Variants in TDRD9 observed in about 807,000 individuals in gnomAD.
TDRD9 encodes tudor domain containing 9, also known as ATP-dependent RNA helicase TDRD9.
A neutral mutation model predicts 172.6 loss-of-function variants in TDRD9; 124 were observed. The observed-to-expected ratio is 0.72, with a 90% confidence interval of 0.62 to 0.83. The LOEUF is 0.83. Among genes scored for constraint, TDRD9 ranks in the 40% least tolerant of loss-of-function variants. The probability of loss-of-function intolerance (pLI) is 0.00; values close to 1 mark genes in which losing one functional copy is unlikely to be tolerated. For synonymous variants in TDRD9, 619 were observed against 617.1 expected, an observed-to-expected ratio of 1.00 and a Z score of -0.05; for missense variants, 1,479 against 1,714.1, an observed-to-expected ratio of 0.86 and a Z score of 2.42.
In TDRD9 at chr14:104,017,196, C is replaced by T. The variant is rs554226986; in HGVS notation, c.2332-896C>T. On this transcript the variant is annotated intron_variant, in intron 22 of 35. Transcript: ENST00000409874. ...AGAGGAAGGGTTCTATAGGTCTCTT[C>T]CTCAGACGTCTAGTAGCTATGCCTG... 1.1e-3 allele frequency among the ~76,000 whole-genome samples: 167 copies of T among 152,134 alleles called. 2 individuals are homozygous for T. Among genetic ancestry groups the T allele is most frequent in the Middle Eastern group, 6.8e-3 (2 of 294 alleles).
chr14:104,005,467 C>A, intron 15 of TDRD9, 62 bp downstream of exon 15: 2 of 1,580,144 alleles, frequency 1.3e-6, no homozygotes, highest in Non-Finnish European at 1.7e-6. Context: ...CTGTGGCTCC[C>A]TCAGTCTGTG....
chr14:103,954,113 A>G (rs887980193), intron 1 of TDRD9, among the ~76,000 whole-genome samples: 9 of 152,240 alleles, frequency 5.9e-5, no homozygotes, highest in Admixed American at 2.6e-4. Flanking sequence ...AGTTGATAGC[A>G]TATAATACAT....
At chr14:104,012,833 A>C (rs1447891930) in intron 20 of TDRD9, among the ~76,000 whole-genome samples, 1 of 152,142 alleles carries the variant, frequency 6.6e-6, no homozygotes, top group Non-Finnish European at 1.5e-5. Flanking sequence ...TCCTGTGCTT[A>C]AGCAATCCTC....
At chr14:103,956,111 A>AATATATATATATAT (rs1173008862) in intron 2 of TDRD9, among the ~76,000 whole-genome samples, 22 of 18,358 alleles carry the variant, frequency 1.2e-3, no homozygotes, top group African/African-American at 4.6e-3. Context: ...AAAAAAAAAA[A>AATATATATATATAT]ATATATATAT....
chr14:104,015,203 A>G (rs775632870), intron 21 of TDRD9, among the ~76,000 whole-genome samples: 4 of 152,108 alleles, frequency 2.6e-5, no homozygotes, highest in Non-Finnish European at 5.9e-5. Context: ...TATATCGTTC[A>G]GTGTATATAG....
At chr14:103,987,153 CA>C (rs2033699785) in intron 8 of TDRD9, among the ~76,000 whole-genome samples, 2 of 151,890 alleles carry the variant, frequency 1.3e-5, no homozygotes. Flanking sequence ...CACACACACA[CA>C]CACACACACC....
At chr14:103,978,668 T>C (rs893616034) in intron 7 of TDRD9, among the ~76,000 whole-genome samples, 1 of 152,216 alleles carries the variant, frequency 6.6e-6, no homozygotes, top group Non-Finnish European at 1.5e-5. Flanking sequence ...ATGGTTAAAC[T>C]GAGGTTATTG....
In TDRD9 at chr14:103,975,379, T is replaced by C. The variant is rs2033192846; in HGVS notation, c.847-10T>C. 1.2e-5 allele frequency: 20 copies of C among 1,606,146 alleles called. No homozygotes were observed. Among genetic ancestry groups the C allele is most frequent in the Non-Finnish European group, 1.7e-5 (20 of 1,175,974 alleles). The stretch of plus-strand genomic sequence containing the variant: ...ATTGTTTTATTTGAATGTTTTCTCT[T>C]ACTCTGTAGGTGGTCCTGATGTCGG... On this transcript the variant is annotated splice_polypyrimidine_tract_variant and intron_variant, in intron 6 of 35. Transcript: ENST00000409874.
intron 1 of TDRD9, chr14:103,940,988 G>T: frequency 6.5e-7 from 1 of 1,535,394 alleles, no homozygotes; most frequent in Non-Finnish European, 8.7e-7. Flanking sequence ...GAGTCCTCCA[G>T]GTCCTCTTGC....
At chr14:104,026,273 G>T (rs1470185351) in intron 27 of TDRD9, 137 bp downstream of exon 27, 7 of 626,650 alleles carry the variant, frequency 1.1e-5, no homozygotes, top group Non-Finnish European at 2.0e-5. Flanking sequence ...GACTTGCTTT[G>T]TCACAATAGC....
intron 20 of TDRD9, among the ~76,000 whole-genome samples, chr14:104,011,864 T>C (rs1458478910): frequency 6.6e-6 from 1 of 152,164 alleles, no homozygotes; most frequent in East Asian, 1.9e-4. Flanking sequence ...GTTATGCTTA[T>C]GCTTATGATT....
In TDRD9 at chr14:104,025,570, G is replaced by A; in HGVS notation, c.2725G>A (p.Glu909Lys). The change falls in exon 26 of 36, where the codon GAA (glutamate) becomes AAA (lysine). Residue 909 changes from glutamate to lysine, a missense_variant. Glu to Lys is a moderately conservative substitution (Grantham distance 56). Around this residue, in one of 3 missense-constraint regions of TDRD9, gnomAD observed 1,413 missense variants for 1,649.1 expected, o/e 0.86. Transcript: ENST00000409874. Reference protein sequence around the residue: ...LLTIDVTEVVEVGHFWGYRID... With the variant: ...LLTIDVTEVVKVGHFWGYRID... Reference sequence around the variant, plus strand: ...TCCTCCTCTTCCTTTTTAGGTGGTTGAAGTGGGACACTTTTGGGGATACAG... The same window carrying A: ...TCCTCCTCTTCCTTTTTAGGTGGTTAAAGTGGGACACTTTTGGGGATACAG... 6.2e-7 allele frequency: 1 copy of A among 1,613,706 alleles called. No individual in the cohort carries two copies. Among genetic ancestry groups the A allele is most frequent in the Non-Finnish European group, 8.5e-7 (1 of 1,179,758 alleles).
chr14:103,996,560 G>T (rs1481019783), intron 12 of TDRD9, among the ~76,000 whole-genome samples: 2 of 152,190 alleles, frequency 1.3e-5, no homozygotes, highest in African/African-American at 4.8e-5. Context: ...GATTAAATGA[G>T]GAGCGAGCTA....
chr14:103,994,652 T>G, intron 11 of TDRD9, 49 bp downstream of exon 11: 1 of 1,476,886 alleles, frequency 6.8e-7, no homozygotes, highest in Non-Finnish European at 9.3e-7. Context: ...TAAATTTTCC[T>G]TAGAGACTCT....
intron 28 of TDRD9, among the ~76,000 whole-genome samples, chr14:104,027,896 T>C (rs1029838521): frequency 1.3e-5 from 2 of 152,184 alleles, no homozygotes; most frequent in African/African-American, 4.8e-5. Context: ...TCCTCTCTAC[T>C]TCCATTATTT....
At chr14:104,051,071 G>C (rs948753239) in intron 35 of TDRD9, among the ~76,000 whole-genome samples, 2 of 152,116 alleles carry the variant, frequency 1.3e-5, no homozygotes, top group African/African-American at 4.8e-5. Context: ...CCATCACCCA[G>C]GTACTAAGCA....
intron 13 of TDRD9, among the ~76,000 whole-genome samples, chr14:104,001,020 T>C (rs1595969530): frequency 6.6e-6 from 1 of 152,230 alleles, no homozygotes; most frequent in Admixed American, 6.5e-5. Flanking sequence ...AGGACATCTT[T>C]ATAAGTACAG....
chr14:103,968,460 G>C (rs1469794938), intron 5 of TDRD9, among the ~76,000 whole-genome samples: 1 of 152,116 alleles, frequency 6.6e-6, no homozygotes, highest in Non-Finnish European at 1.5e-5. Flanking sequence ...GTTTAAAATG[G>C]AATAATGTTT....
rs772108619 is a variant in TDRD9, at chr14:104,014,794, C to T, written c.2176C>T (p.Pro726Ser). ...CAACATGCATGTTGATTCTCGGCGA[C>T]CTGTCATGGACCAAGAGTATATATA... ...QFNMHVDSRR[P>S]VMDQEYIYKQ... Residue 726 changes from proline to serine, a missense_variant, in exon 21 of 36, where the codon CCT (proline) becomes TCT (serine). Pro to Ser is a moderately conservative substitution (Grantham distance 74). Around this residue, in one of 3 missense-constraint regions of TDRD9, gnomAD observed 1,413 missense variants for 1,649.1 expected, o/e 0.86. Coordinates refer to ENST00000409874, the MANE Select transcript of TDRD9 (RefSeq NM_153046.3). The T allele has an allele frequency of 1.9e-6, 3 of 1,612,234 alleles. No homozygotes were observed. The highest frequency in any genetic ancestry group is 2.2e-5 in the East Asian group (1 of 44,880).
Sources: allele counts gnomAD v4.1 joint callset (sites outside exome capture counted in the v4.1 genomes callset), GRCh38; gene constraint gnomAD v4.1.1; regional missense constraint gnomAD v4.1.1; transcripts MANE v1.5; gene names NCBI Gene and HGNC (gene_info 2026-07-23, HGNC 2026-07-21).